Variants in DLGAP2 observed in about 807,000 individuals in gnomAD.
DLGAP2 encodes the protein DLG associated protein 2.
DLGAP2 carries 26 observed loss-of-function variants against 100.3 expected under a neutral mutation model. The observed-to-expected ratio is 0.26, with a 90% CI of 0.19 to 0.36. The LOEUF (loss-of-function observed/expected upper bound fraction) is 0.36. Ranked by LOEUF, DLGAP2 falls within the 10% of genes least tolerant of loss-of-function variation. The pLI is 1.00. For missense variants in DLGAP2, 1,858 were observed against 1,453.2 expected, an observed-to-expected ratio of 1.28 and a Z score of -4.53; for synonymous variants, 886 against 630.1, an observed-to-expected ratio of 1.41 and a Z score of -6.08.
At chr8:1,517,665 C>T (rs1316528948) in intron 4 of DLGAP2, among the ~76,000 whole-genome samples, 1 of 152,200 alleles carries the variant, frequency 6.6e-6, no homozygotes, top group Non-Finnish European at 1.5e-5. Context: ...AAGGGCCTCC[C>T]GTTTCTGGCT....
At chr8:1,095,062 A>T (rs971257756) in intron 2 of DLGAP2, among the ~76,000 whole-genome samples, 1 of 141,052 alleles carries the variant, frequency 7.1e-6, no homozygotes. Context: ...ACTGGCGTGG[A>T]CCACCTTCCC....
intron 4 of DLGAP2, among the ~76,000 whole-genome samples, chr8:1,523,981 C>G (rs984236563): frequency 1.3e-5 from 2 of 152,212 alleles, no homozygotes; most frequent in Non-Finnish European, 2.9e-5. Context: ...CGTTTGGAGA[C>G]TCCGCCGCAA....
intron 3 of DLGAP2, among the ~76,000 whole-genome samples, chr8:1,447,549 T>G (rs1053830782): frequency 6.6e-6 from 1 of 152,236 alleles, no homozygotes; most frequent in African/African-American, 2.4e-5. Flanking sequence ...AAAATTCTCT[T>G]TTTCGGTTGT....
chr8:985,342 C>G (rs1261996373), intron 2 of DLGAP2, among the ~76,000 whole-genome samples: 1 of 152,222 alleles, frequency 6.6e-6, no homozygotes, highest in Admixed American at 6.5e-5. Context: ...AGAGTCAGAT[C>G]TAATGCTGTG....
intron 2 of DLGAP2, among the ~76,000 whole-genome samples, chr8:1,064,639 TA>T (rs1306708790): frequency 2.6e-5 from 4 of 152,366 alleles, no homozygotes; most frequent in African/African-American, 9.6e-5. Flanking sequence ...AGGAGGTCTT[TA>T]GTAAATTTGA....
intron 2 of DLGAP2, among the ~76,000 whole-genome samples, chr8:919,326 A>G (rs777750990): frequency 6.6e-6 from 1 of 152,176 alleles, no homozygotes; most frequent in African/African-American, 2.4e-5. Flanking sequence ...AGCTGCCGAC[A>G]TCAGGCCGCG....
intron 1 of DLGAP2, among the ~76,000 whole-genome samples, chr8:806,742 TG>T (rs1192927143): frequency 1.3e-5 from 2 of 152,222 alleles, no homozygotes; most frequent in Non-Finnish European, 2.9e-5. Flanking sequence ...TAACCATTGT[TG>T]AGTGACACAG....
At chr8:1,036,125 C>G (rs1406199540) in intron 2 of DLGAP2, among the ~76,000 whole-genome samples, 3 of 147,634 alleles carry the variant, frequency 2.0e-5, no homozygotes, top group South Asian at 2.2e-4. Context: ...GATTCACACG[C>G]TCATCCCGAC....
intron 3 of DLGAP2, among the ~76,000 whole-genome samples, chr8:1,408,759 G>T (rs927747415): frequency 1.3e-5 from 2 of 152,082 alleles, no homozygotes; most frequent in African/African-American, 4.8e-5. Flanking sequence ...CAGGTTTTGG[G>T]AACTCGTGGC....
chr8:981,894 C>T (rs778773429), intron 2 of DLGAP2, among the ~76,000 whole-genome samples: 2 of 152,216 alleles, frequency 1.3e-5, no homozygotes, highest in Non-Finnish European at 2.9e-5. Flanking sequence ...TGAACTTTAA[C>T]GTTGAATGGG....
intron 6 of DLGAP2, among the ~76,000 whole-genome samples, chr8:1,591,374 A>G (rs539072112): frequency 6.6e-6 from 1 of 152,314 alleles, no homozygotes; most frequent in South Asian, 2.1e-4. Flanking sequence ...TTGACTGAGC[A>G]AAAAGAAAGG....
intron 2 of DLGAP2, among the ~76,000 whole-genome samples, chr8:975,871 A>G (rs753846890): frequency 1.4e-4 from 22 of 152,230 alleles, no homozygotes; most frequent in Non-Finnish European, 2.9e-4. Flanking sequence ...GAGACAGGAA[A>G]AGGAAATAAA....
rs368277495 is a variant in DLGAP2, at chr8:1,223,799, T to A, written c.74-35052T>A. Among the ~76,000 whole-genome samples the A allele has an allele frequency of 1.2e-4, 18 of 152,280 alleles. 1 individual carries two copies. The highest frequency in any genetic ancestry group is 9.8e-4 in the Admixed American group (15 of 15,300). On this transcript the variant is annotated intron_variant, in intron 2 of 14. Coordinates refer to ENST00000637795, the MANE Select transcript of DLGAP2 (RefSeq NM_001346810.2). ...GTCGGAATCTCAAGGATAAAAACAA[T>A]TGAATAGTAGGCAGAGATTTATTAA...
chr8:1,672,038 A>G (rs529537345), intron 10 of DLGAP2, among the ~76,000 whole-genome samples: 2 of 152,210 alleles, frequency 1.3e-5, no homozygotes, highest in South Asian at 4.1e-4. Context: ...CTCTCCTGCT[A>G]AGTTTTCCAT....
At chr8:1,450,739 T>G (rs1563157052) in intron 3 of DLGAP2, among the ~76,000 whole-genome samples, 1 of 152,002 alleles carries the variant, frequency 6.6e-6, no homozygotes, top group Admixed American at 6.6e-5. Context: ...ACAGGCACCG[T>G]CCTCCACGCA....
intron 2 of DLGAP2, among the ~76,000 whole-genome samples, chr8:926,545 C>T (rs1798819975): frequency 6.6e-6 from 1 of 152,238 alleles, no homozygotes; most frequent in South Asian, 2.1e-4. Context: ...CCATTGCTCT[C>T]CTGGCTCCTG....
intron 3 of DLGAP2, among the ~76,000 whole-genome samples, chr8:1,264,570 G>T (rs1799414551): frequency 6.6e-6 from 1 of 152,090 alleles, no homozygotes; most frequent in Non-Finnish European, 1.5e-5. Flanking sequence ...TAGGAAAGTT[G>T]TTCCAGAATC....
chr8:1,591,580 G>T (rs993613182), intron 6 of DLGAP2, among the ~76,000 whole-genome samples: 5 of 151,912 alleles, frequency 3.3e-5, no homozygotes, highest in African/African-American at 1.2e-4. Flanking sequence ...CTATTTGTGG[G>T]GTACGTTTCT....
intron 3 of DLGAP2, among the ~76,000 whole-genome samples, chr8:1,342,926 C>T (rs75330782): frequency 0.013 from 2,011 of 151,374 alleles, 16 homozygotes; most frequent in Non-Finnish European, 0.018. Flanking sequence ...GTGCCAGGCA[C>T]CAGCTGTTTC....
Sources: gnomAD v4.1 joint callset for allele counts (sites outside exome capture counted in the v4.1 genomes callset) on GRCh38, gnomAD v4.1.1 for gene constraint, MANE v1.5 for transcripts, NCBI Gene and HGNC (gene_info 2026-07-23, HGNC 2026-07-21) for gene names.